Variants in TSHZ2 observed in about 807,000 individuals in gnomAD.
The protein encoded by TSHZ2 is teashirt zinc finger homeobox 2.
TSHZ2 carries 21 observed loss-of-function variants against 74.4 expected under a neutral mutation model. That is an observed-to-expected ratio of 0.28 (90% CI 0.20 to 0.41). The LOEUF is 0.41. TSHZ2 is among the 10% of genes least tolerant of loss of function. The pLI, the probability that TSHZ2 is intolerant of heterozygous loss-of-function variation, is 1.00. For missense variants in TSHZ2, 1,244 were observed against 1,293.5 expected, an observed-to-expected ratio of 0.96 and a Z score of 0.59; for synonymous variants, 540 against 515.3, an observed-to-expected ratio of 1.05 and a Z score of -0.65.
chr20:53,065,915 G>A (rs1426784225), intron 1 of TSHZ2, among the ~76,000 whole-genome samples: 3 of 152,176 alleles, frequency 2.0e-5, no homozygotes, highest in Non-Finnish European at 4.4e-5. Context: ...CTAAGTTCCA[G>A]GGTGTTTACA....
At chr20:53,346,735 G>A (rs372763431) in intron 2 of TSHZ2, among the ~76,000 whole-genome samples, 4 of 152,138 alleles carry the variant, frequency 2.6e-5, no homozygotes, top group Non-Finnish European at 4.4e-5. Context: ...GAGAAACGTC[G>A]CAACTGCGTA....
chr20:53,149,179 GTT>G (rs1231054828), intron 1 of TSHZ2, among the ~76,000 whole-genome samples: 27 of 140,080 alleles, frequency 1.9e-4, no homozygotes, highest in African/African-American at 6.3e-4. Flanking sequence ...CTCTTTTAGG[GTT>G]TTTTTTTTTT....
intron 1 of TSHZ2, among the ~76,000 whole-genome samples, chr20:53,028,253 T>A (rs1358092388): frequency 2.0e-5 from 3 of 152,146 alleles, no homozygotes; most frequent in Non-Finnish European, 4.4e-5. Flanking sequence ...CCCCACTACA[T>A]CCCCCTTCAC....
In TSHZ2 at chr20:52,986,218, C is replaced by T. The variant is rs925440892; in HGVS notation, c.40+12885C>T. Among the ~76,000 whole-genome samples the T allele has an allele frequency of 5.3e-5, 8 of 151,294 alleles. No homozygotes were observed. The East Asian group carries it at 5.8e-4, about 11-fold the overall frequency. On this transcript the variant is annotated intron_variant, in intron 1 of 2. Transcript: ENST00000371497. ...CAGCCTGACCAACATGGCGAAACCC[C>T]GTCTCTACTAAAAATACAGAAAAAA... is the stretch of plus-strand genomic sequence containing the variant.
At chr20:53,345,866 ACCCT>A (rs1452906147) in intron 2 of TSHZ2, among the ~76,000 whole-genome samples, 5 of 149,506 alleles carry the variant, frequency 3.3e-5, no homozygotes, top group African/African-American at 9.9e-5. Context: ...AAAAACCACC[ACCCT>A]CCCCGCTGAC....
chr20:53,265,356 A>T (rs1397697874), intron 2 of TSHZ2, among the ~76,000 whole-genome samples: 1 of 152,148 alleles, frequency 6.6e-6, no homozygotes, highest in Non-Finnish European at 1.5e-5. Flanking sequence ...ACTGGCAAGC[A>T]TGAGAGGGGC....
chr20:53,344,940 A>T (rs538142988), intron 2 of TSHZ2, among the ~76,000 whole-genome samples: 7 of 152,354 alleles, frequency 4.6e-5, no homozygotes, highest in African/African-American at 1.7e-4. Flanking sequence ...ACGTGGGTAG[A>T]TGGACAATTC....
chr20:53,006,292 A>G (rs550449383), intron 1 of TSHZ2, among the ~76,000 whole-genome samples: 3 of 152,368 alleles, frequency 2.0e-5, no homozygotes, highest in African/African-American at 7.2e-5. Flanking sequence ...AGTTAAGAAA[A>G]AAAGTGATAT....
intron 1 of TSHZ2, among the ~76,000 whole-genome samples, chr20:53,117,019 G>C (rs71356171): frequency 1.7e-4 from 26 of 152,182 alleles, no homozygotes; most frequent in African/African-American, 5.5e-4. Flanking sequence ...GGATGGTGTA[G>C]AGAAAAAGGA....
intron 2 of TSHZ2, among the ~76,000 whole-genome samples, chr20:53,436,401 G>A (rs1333300241): frequency 6.6e-6 from 1 of 152,020 alleles, no homozygotes; most frequent in Non-Finnish European, 1.5e-5. Flanking sequence ...CAGAAGCTCA[G>A]AGGCTGCCCA....
chr20:53,244,457 G>T (rs1990152698), intron 1 of TSHZ2, among the ~76,000 whole-genome samples: 1 of 152,140 alleles, frequency 6.6e-6, no homozygotes, highest in East Asian at 1.9e-4. Context: ...TGACTCTCTG[G>T]GTGTAAGGAT....
At chr20:53,448,373 G>A (rs1348120506) in intron 2 of TSHZ2, among the ~76,000 whole-genome samples, 1 of 152,158 alleles carries the variant, frequency 6.6e-6, no homozygotes, top group Non-Finnish European at 1.5e-5. Context: ...GATGAATGAG[G>A]TGTCTGGTGT....
intron 2 of TSHZ2, among the ~76,000 whole-genome samples, chr20:53,385,203 C>T (rs949377326): frequency 6.6e-6 from 1 of 151,984 alleles, no homozygotes. Flanking sequence ...GAAAGCATGC[C>T]ATGTATAGTA....
At chr20:53,002,737 C>T (rs1478169623) in intron 1 of TSHZ2, among the ~76,000 whole-genome samples, 1 of 152,106 alleles carries the variant, frequency 6.6e-6, no homozygotes, top group Non-Finnish European at 1.5e-5. Context: ...ATGTCCAGTA[C>T]AGTATTTGGG....
At chr20:53,442,277 A>G (rs1984364965) in intron 2 of TSHZ2, among the ~76,000 whole-genome samples, 1 of 152,222 alleles carries the variant, frequency 6.6e-6, no homozygotes, top group South Asian at 2.1e-4. Context: ...TGCCAGTTCC[A>G]GGAAGAAAAG....
rs550127384 is a variant in TSHZ2, at chr20:53,070,965, TTAAAG to T, written c.40+97636_40+97640del. Among the ~76,000 whole-genome samples, 286 of 152,318 alleles carry T rather than the reference TTAAAG, an allele frequency of 1.9e-3. 1 individual carries two copies. The highest frequency in any genetic ancestry group is 3.5e-3 in the South Asian group (17 of 4,826). ...GAACAATTACTAGACACTGAGGTGT[TTAAAG>T]TAATGGGTACTATTTGTTTGAGGGA... On this transcript the variant is annotated intron_variant, in intron 1 of 2. Coordinates refer to ENST00000371497, the MANE Select transcript of TSHZ2 (RefSeq NM_173485.6).
intron 1 of TSHZ2, among the ~76,000 whole-genome samples, chr20:53,014,192 C>A (rs555506058): frequency 8.9e-6 from 1 of 112,168 alleles, no homozygotes. Context: ...TCTCTTCATA[C>A]GGCAGAGAGA....
intron 2 of TSHZ2, among the ~76,000 whole-genome samples, chr20:53,390,813 T>C (rs1437045128): frequency 1.3e-5 from 2 of 152,156 alleles, no homozygotes; most frequent in Non-Finnish European, 2.9e-5. Context: ...CAGCATCTGT[T>C]GTTTCTTGAC....
intron 1 of TSHZ2, among the ~76,000 whole-genome samples, chr20:53,202,003 C>A (rs1989020640): frequency 6.6e-6 from 1 of 152,202 alleles, no homozygotes; most frequent in African/African-American, 2.4e-5. Context: ...TCTCTCTCTG[C>A]CCATCGCTAA....
Sources: allele counts gnomAD v4.1 joint callset (sites outside exome capture counted in the v4.1 genomes callset), GRCh38; gene constraint gnomAD v4.1.1; transcripts MANE v1.5; gene names NCBI Gene and HGNC (gene_info 2026-07-23, HGNC 2026-07-21).